The following SLC24A3 variants were observed in gnomAD, a reference collection of about 807,000 sequenced individuals.
SLC24A3 encodes sodium/potassium/calcium exchanger 3.
In SLC24A3, 28 loss-of-function variants were observed where a neutral mutation model predicts 75.8. The ratio of observed to expected loss-of-function variants is 0.37; its 90% CI spans 0.27 to 0.51. SLC24A3 has a LOEUF of 0.51. SLC24A3 is among the 20% of genes least tolerant of loss of function. The pLI is 0.94. For synonymous variants in SLC24A3, 372 were observed against 334.1 expected, an observed-to-expected ratio of 1.11 and a Z score of -1.24; for missense variants, 663 against 847.8, an observed-to-expected ratio of 0.78 and a Z score of 2.71.
At chr20:19,361,111 A>G (rs1414006185) in intron 2 of SLC24A3, among the ~76,000 whole-genome samples, 1 of 152,104 alleles carries the variant, frequency 6.6e-6, no homozygotes. Flanking sequence ...ACAGGCGTGA[A>G]CCACTGCACC....
intron 3 of SLC24A3, among the ~76,000 whole-genome samples, chr20:19,528,889 C>T (rs2030245259): frequency 6.6e-6 from 1 of 152,148 alleles, no homozygotes; most frequent in African/African-American, 2.4e-5. Context: ...TCATTCTCTC[C>T]TGGACCCAAG....
chr20:19,237,025 A>C (rs1018689229), intron 1 of SLC24A3, among the ~76,000 whole-genome samples: 1 of 152,230 alleles, frequency 6.6e-6, no homozygotes, highest in Non-Finnish European at 1.5e-5. Context: ...GAACTTTAAA[A>C]TGTGATATTC....
chr20:19,557,074 G>C (rs995104991), intron 3 of SLC24A3, among the ~76,000 whole-genome samples: 3 of 152,116 alleles, frequency 2.0e-5, no homozygotes, highest in Non-Finnish European at 2.9e-5. Flanking sequence ...GTTCCTGCAG[G>C]ATTTAGAAGT....
chr20:19,361,218 T>C (rs1383492944), intron 2 of SLC24A3, among the ~76,000 whole-genome samples: 3 of 152,208 alleles, frequency 2.0e-5, no homozygotes, highest in Non-Finnish European at 4.4e-5. Context: ...TTTGCAACAA[T>C]CCATCAGCAC....
At chr20:19,584,282 G>A (rs1387208178) in intron 4 of SLC24A3, among the ~76,000 whole-genome samples, 1 of 152,056 alleles carries the variant, frequency 6.6e-6, no homozygotes, top group Non-Finnish European at 1.5e-5. Context: ...TCAGCCTTAA[G>A]CCCCCACTCC....
At chr20:19,704,578 T>A (rs953966464) in intron 15 of SLC24A3, among the ~76,000 whole-genome samples, 1 of 150,710 alleles carries the variant, frequency 6.6e-6, no homozygotes, top group Non-Finnish European at 1.5e-5. Flanking sequence ...TCAGAGGACA[T>A]CTGCCTTATG....
At chr20:19,424,150 A>C (rs1986961116) in intron 2 of SLC24A3, among the ~76,000 whole-genome samples, 1 of 152,184 alleles carries the variant, frequency 6.6e-6, no homozygotes, top group Non-Finnish European at 1.5e-5. Flanking sequence ...CTGAGAGATT[A>C]AGCAGAAACC....
At chr20:19,565,403 C>CG (rs1555800333) in intron 3 of SLC24A3, among the ~76,000 whole-genome samples, 3 of 84,740 alleles carry the variant, frequency 3.5e-5, no homozygotes. Flanking sequence ...TTTGTGTTCT[C>CG]GGGGGGTGGG....
intron 2 of SLC24A3, among the ~76,000 whole-genome samples, chr20:19,373,000 T>G (rs914522276): frequency 6.6e-6 from 1 of 152,022 alleles, no homozygotes; most frequent in Admixed American, 6.5e-5. Context: ...ACAGAAAGAC[T>G]CATGCCTAAC....
At chr20:19,357,487 T>G (rs1280713274) in intron 2 of SLC24A3, among the ~76,000 whole-genome samples, 1 of 152,232 alleles carries the variant, frequency 6.6e-6, no homozygotes, top group African/African-American at 2.4e-5. Context: ...TTTTTCTTAT[T>G]AACTGTAAGA....
At chr20:19,561,737 T>C (rs1038759622) in intron 3 of SLC24A3, among the ~76,000 whole-genome samples, 1 of 152,164 alleles carries the variant, frequency 6.6e-6, no homozygotes, top group African/African-American at 2.4e-5. Flanking sequence ...GCACATATTA[T>C]CCACTTTTAA....
chr20:19,292,092 G>GT (rs1402429518), intron 2 of SLC24A3, among the ~76,000 whole-genome samples: 1 of 152,226 alleles, frequency 6.6e-6, no homozygotes, highest in African/African-American at 2.4e-5. Flanking sequence ...CCCATGGGCT[G>GT]TGGGACCCTG....
At chr20:19,437,875 G>A (rs1987233161) in intron 2 of SLC24A3, among the ~76,000 whole-genome samples, 1 of 152,088 alleles carries the variant, frequency 6.6e-6, no homozygotes, top group African/African-American at 2.4e-5. Flanking sequence ...CCCTCTCCCA[G>A]CATAATTCCA....
intron 2 of SLC24A3, among the ~76,000 whole-genome samples, chr20:19,407,400 C>T (rs185068455): frequency 6.6e-6 from 1 of 152,278 alleles, no homozygotes; most frequent in Admixed American, 6.5e-5. Context: ...CGGGGCAGGT[C>T]GTGCTCTGAT....
chr20:19,613,294 C>T (rs894833545), intron 6 of SLC24A3, among the ~76,000 whole-genome samples: 6 of 152,222 alleles, frequency 3.9e-5, no homozygotes, highest in African/African-American at 1.4e-4. Flanking sequence ...GTTTCTTGCT[C>T]TATCCTCAGT....
intron 2 of SLC24A3, among the ~76,000 whole-genome samples, chr20:19,325,777 C>CATATATATATATATATATATAT (rs1164485509): frequency 3.4e-5 from 2 of 58,402 alleles, no homozygotes; most frequent in East Asian, 6.0e-4. Flanking sequence ...TATATATATA[C>CATATATATATATATATATATAT]ATATATATAT....
chr20:19,566,395 A>T (rs929615724), intron 3 of SLC24A3, among the ~76,000 whole-genome samples: 3 of 152,126 alleles, frequency 2.0e-5, no homozygotes, highest in African/African-American at 7.2e-5. Flanking sequence ...CTACATTCCC[A>T]CACCCTGCTG....
intron 2 of SLC24A3, among the ~76,000 whole-genome samples, chr20:19,504,016 G>A (rs530647597): frequency 5.3e-5 from 8 of 152,258 alleles, no homozygotes; most frequent in African/African-American, 1.9e-4. Context: ...AATAAGGAGC[G>A]CACATGTCCC....
intron 2 of SLC24A3, among the ~76,000 whole-genome samples, chr20:19,412,476 G>A (rs1354966916): frequency 3.3e-5 from 5 of 151,980 alleles, no homozygotes; most frequent in East Asian, 1.9e-4. Flanking sequence ...TAAGGAGAAG[G>A]AGGGAGAATA....
Sources: allele counts gnomAD v4.1 joint callset (sites outside exome capture counted in the v4.1 genomes callset), GRCh38; gene constraint gnomAD v4.1.1; transcripts MANE v1.5; gene names NCBI Gene and HGNC (gene_info 2026-07-23, HGNC 2026-07-21).